Variants in MACROD2 observed in about 807,000 individuals in gnomAD.
MACROD2 encodes mono-ADP ribosylhydrolase 2.
MACROD2 carries 36 observed loss-of-function variants against 70.4 expected under a neutral mutation model. The ratio of observed to expected loss-of-function variants is 0.51; its 90% confidence interval spans 0.39 to 0.68. MACROD2 has a LOEUF of 0.68. MACROD2 is among the 30% of genes least tolerant of loss of function. MACROD2 has a pLI of 0.00. For missense variants in MACROD2, 496 were observed against 538.4 expected (o/e 0.92, Z 0.78); for synonymous variants, 172 against 178.8 (o/e 0.96, Z 0.30).
intron 5 of MACROD2, among the ~76,000 whole-genome samples, chr20:14,942,374 ATCC>A (rs1451806271): frequency 1.5e-5 from 2 of 129,684 alleles, no homozygotes; most frequent in Admixed American, 7.4e-5. Flanking sequence ...CTTTCTCCTT[ATCC>A]TCCTTTTTTT....
chr20:15,988,709 G>A (rs1202991588), intron 15 of MACROD2, among the ~76,000 whole-genome samples: 1 of 152,100 alleles, frequency 6.6e-6, no homozygotes, highest in East Asian at 1.9e-4. Context: ...TTTTAGCAAC[G>A]ATGAGGTTGA....
intron 5 of MACROD2, among the ~76,000 whole-genome samples, chr20:15,034,024 T>G (rs1323469452): frequency 6.6e-6 from 1 of 152,174 alleles, no homozygotes; most frequent in Admixed American, 6.5e-5. Flanking sequence ...TTTGGAGGTT[T>G]GCAAACGAAA....
intron 3 of MACROD2, among the ~76,000 whole-genome samples, chr20:14,320,672 T>A (rs1328323194): frequency 3.9e-4 from 18 of 45,972 alleles, no homozygotes; most frequent in Non-Finnish European, 9.4e-4. Context: ...AATTTTTTTT[T>A]TTTTTTTTTT....
intron 2 of MACROD2, among the ~76,000 whole-genome samples, chr20:14,007,079 G>A (rs571217847): frequency 6.6e-6 from 1 of 152,036 alleles, no homozygotes; most frequent in Admixed American, 6.6e-5. Flanking sequence ...TTTACCTAAT[G>A]GTTTTAGCAG....
At chr20:14,538,193 G>C (rs554238073) in intron 4 of MACROD2, among the ~76,000 whole-genome samples, 11 of 152,164 alleles carry the variant, frequency 7.2e-5, no homozygotes, top group Non-Finnish European at 1.2e-4. Context: ...ACCGTGGGAG[G>C]GGGTGGAGCA....
intron 5 of MACROD2, chr20:15,196,874 T>C: frequency 1.0e-6 from 1 of 985,080 alleles, no homozygotes; most frequent in Non-Finnish European, 1.2e-6. Flanking sequence ...GAGAAGCAGA[T>C]GACAGGCTCA....
intron 6 of MACROD2, among the ~76,000 whole-genome samples, chr20:15,404,745 C>T (rs570461574): frequency 6.6e-6 from 1 of 152,172 alleles, no homozygotes; most frequent in Admixed American, 6.5e-5. Flanking sequence ...CCTTGCTGTC[C>T]TCCTGGGTTA....
chr20:14,569,867 T>C (rs921358994), intron 4 of MACROD2, among the ~76,000 whole-genome samples: 2 of 151,814 alleles, frequency 1.3e-5, no homozygotes, highest in African/African-American at 4.8e-5. Flanking sequence ...CCACAAAGAA[T>C]AGTTAAAATG....
intron 6 of MACROD2, among the ~76,000 whole-genome samples, chr20:15,258,851 G>A (rs920262268): frequency 6.6e-6 from 1 of 152,084 alleles, no homozygotes; most frequent in Non-Finnish European, 1.5e-5. Context: ...AGGAACGTTT[G>A]CAGAGCTAGA....
At chr20:15,499,044 G>A (rs1160483139) in intron 7 of MACROD2, among the ~76,000 whole-genome samples, 2 of 152,110 alleles carry the variant, frequency 1.3e-5, no homozygotes, top group African/African-American at 2.4e-5. Context: ...CATCACTATT[G>A]GCAGAATGTT....
intron 8 of MACROD2, among the ~76,000 whole-genome samples, chr20:15,815,257 G>C (rs2063860895): frequency 6.6e-6 from 1 of 152,052 alleles, no homozygotes; most frequent in Admixed American, 6.6e-5. Context: ...GCCTGAGTTA[G>C]GTAAAATGCA....
intron 7 of MACROD2, among the ~76,000 whole-genome samples, chr20:15,459,516 A>G (rs1225645857): frequency 6.6e-6 from 1 of 152,110 alleles, no homozygotes; most frequent in Admixed American, 6.6e-5. Context: ...AATGCTCTCC[A>G]TCCTGATCAT....
chr20:14,418,843 T>C (rs967948606), intron 3 of MACROD2, among the ~76,000 whole-genome samples: 1 of 152,186 alleles, frequency 6.6e-6, no homozygotes, highest in African/African-American at 2.4e-5. Flanking sequence ...ACTTTCATTT[T>C]GATTCCATTA....
chr20:14,030,885 T>C (rs2053238867), intron 2 of MACROD2, among the ~76,000 whole-genome samples: 1 of 152,182 alleles, frequency 6.6e-6, no homozygotes, highest in Non-Finnish European at 1.5e-5. Context: ...TTGTATACTT[T>C]TGGGGAGCAA....
chr20:15,644,239 A>G (rs1299779498), intron 8 of MACROD2, among the ~76,000 whole-genome samples: 1 of 152,174 alleles, frequency 6.6e-6, no homozygotes, highest in Non-Finnish European at 1.5e-5. Context: ...TAGAAACCCT[A>G]ACATCGTTAC....
chr20:14,583,906 G>A (rs921781836), intron 4 of MACROD2, among the ~76,000 whole-genome samples: 9 of 152,072 alleles, frequency 5.9e-5, no homozygotes, highest in African/African-American at 1.4e-4. Flanking sequence ...TTATCTTCCT[G>A]AGGCAGTTAC....
chr20:16,044,611 A>G lies in MACROD2; in HGVS notation c.1272A>G (p.Thr424=), dbSNP rs150746243. ...NSQVDKVNDP[T]ESQQEDQLIA... ...AGGTTGACAAGGTAAATGACCCAAC[A>G]GAGAGTCAACAAGAAGATCAACTAA... The change falls in exon 17 of 18, where the codon ACA becomes ACG. Residue 424 remains threonine, a synonymous_variant. Coordinates refer to ENST00000684519, the MANE Select transcript of MACROD2 (RefSeq NM_001351661.2). 1.6e-4 allele frequency: 254 copies of G among 1,613,052 alleles called. No homozygotes were observed. In the African/African-American group the frequency reaches 1.9e-3, roughly 12 times the overall value.
chr20:15,936,852 CTACTCTA>C (rs1218993452), intron 11 of MACROD2, among the ~76,000 whole-genome samples: 1 of 152,040 alleles, frequency 6.6e-6, no homozygotes, highest in Non-Finnish European at 1.5e-5. Flanking sequence ...AGAGAAAGGT[CTACTCTA>C]ATGTAGTTCA....
intron 5 of MACROD2, among the ~76,000 whole-genome samples, chr20:14,738,425 C>G (rs973402843): frequency 3.9e-5 from 6 of 152,014 alleles, no homozygotes; most frequent in African/African-American, 1.5e-4. Flanking sequence ...GTCTCCTACC[C>G]TATCTGAAAC....
Sources: gnomAD v4.1 joint callset for allele counts (sites outside exome capture counted in the v4.1 genomes callset) on GRCh38, gnomAD v4.1.1 for gene constraint, MANE v1.5 for transcripts, NCBI Gene and HGNC (gene_info 2026-07-23, HGNC 2026-07-21) for gene names.